The following NR1H4 variants were observed in gnomAD, a reference collection of about 807,000 sequenced individuals.
NR1H4 encodes bile acid receptor.
A neutral mutation model predicts 58.5 loss-of-function variants in NR1H4; 23 were observed. That is an observed-to-expected ratio of 0.39 (90% CI 0.28 to 0.56). The LOEUF is 0.56. NR1H4 is among the 20% of genes least tolerant of loss of function. The pLI is 0.58. For missense variants in NR1H4, 487 were observed against 576.9 expected (o/e 0.84, Z 1.60); for synonymous variants, 214 against 198.0 (o/e 1.08, Z -0.68).
rs760186422 is a variant in NR1H4, at chr12:100,503,505, C to G, written c.80-7273C>G. 32 of 1,588,394 alleles carry G rather than the reference C, an allele frequency of 2.0e-5. No homozygotes were observed. The African/African-American group carries it at 4.1e-4, about 21-fold the overall frequency. On this transcript the variant is annotated intron_variant, in intron 3 of 10. Coordinates refer to ENST00000392986, the MANE Select transcript of NR1H4 (RefSeq NM_001206979.2). ...TATGAAGCCCGCGAAAGGTAGGACA[C>G]TGTTCACAGGTGCTTTCAGGTCGAG...
chr12:100,545,526 C>G (rs1224565006), intron 9 of NR1H4, among the ~76,000 whole-genome samples: 6 of 150,442 alleles, frequency 4.0e-5, no homozygotes, highest in African/African-American at 1.5e-4. Context: ...TCTGTAATCT[C>G]AGCTAGTTGA....
chr12:100,505,512 C>A, intron 3 of NR1H4: 1 of 686,920 alleles, frequency 1.5e-6, no homozygotes, highest in South Asian at 1.6e-5. Flanking sequence ...AGATGGCACT[C>A]CTTTAGAGAA....
At chr12:100,547,524 C>T (rs1186408875) in intron 9 of NR1H4, among the ~76,000 whole-genome samples, 2 of 152,070 alleles carry the variant, frequency 1.3e-5, no homozygotes, top group Non-Finnish European at 2.9e-5. Context: ...GAGTCTGGGT[C>T]AGAATTGAAA....
intron 1 of NR1H4, among the ~76,000 whole-genome samples, chr12:100,475,986 G>A (rs1454475215): frequency 6.6e-6 from 1 of 152,066 alleles, no homozygotes; most frequent in Non-Finnish European, 1.5e-5. Context: ...CGCCCGCCTC[G>A]GCTTCCCAGA....
At chr12:100,524,928 G>A (rs1954518510) in intron 4 of NR1H4, among the ~76,000 whole-genome samples, 1 of 152,180 alleles carries the variant, frequency 6.6e-6, no homozygotes, top group Admixed American at 6.5e-5. Context: ...AAGAGGGAGT[G>A]TTGAGGTGGA....
intron 3 of NR1H4, among the ~76,000 whole-genome samples, chr12:100,493,885 A>C (rs893132246): frequency 6.6e-6 from 1 of 152,212 alleles, no homozygotes; most frequent in African/African-American, 2.4e-5. Context: ...GATTGAGGAC[A>C]AATTGTACTA....
intron 9 of NR1H4, among the ~76,000 whole-genome samples, chr12:100,546,549 G>T (rs1955074560): frequency 6.6e-6 from 1 of 151,966 alleles, no homozygotes; most frequent in Non-Finnish European, 1.5e-5. Flanking sequence ...TAAAAAATTA[G>T]CCTGGCGTGG....
rs35404680 is a variant in NR1H4, at chr12:100,545,641, C to CAAAAAAAA, written c.1078+4844_1078+4851dup. Reference sequence around the variant, plus strand: ...TGGGTGACAGAGTGAGACCTTGTCTCAAAAAAAAAAAAAAAAAAAAAAAAA... The same window carrying CAAAAAAAA: ...TGGGTGACAGAGTGAGACCTTGTCTCAAAAAAAAAAAAAAAAAAAAAAAAAAAAAAAAA... On this transcript the variant is annotated intron_variant, in intron 9 of 10. Transcript: ENST00000392986. Among the ~76,000 whole-genome samples, 4 of 7,874 alleles carry CAAAAAAAA rather than the reference C, an allele frequency of 5.1e-4. 1 individual carries two copies. Among genetic ancestry groups the CAAAAAAAA allele is most frequent in the African/African-American group, 1.6e-3 (3 of 1,920 alleles). 5.2% of individuals were successfully genotyped at this position (7,874 alleles called of 152,430 possible). A position where few individuals can be genotyped will look rare whatever the true frequency, so the allele number is the denominator to read the frequency against.
chr12:100,503,607 C>T, intron 3 of NR1H4: 3 of 1,090,528 alleles, frequency 2.8e-6, no homozygotes, highest in Non-Finnish European at 3.7e-6. Flanking sequence ...AAGATAGTGG[C>T]TCAGTCAGAC....
rs368318195 is a variant in NR1H4 at position 100,511,076 on chromosome 12, G to C, written c.378G>C (p.Leu126=). ...ASAGRIKGDE[L]CVVCGDRASG... ...CAGGGAGGATCAAAGGGGATGAGCT[G>C]TGTGTTGTTTGTGGAGACAGAGCCT... Residue 126 remains leucine (L), a synonymous_variant, in exon 4 of 11, where the codon CTG becomes CTC. Transcript: ENST00000392986. 45 of 1,614,270 alleles carry C rather than the reference G, an allele frequency of 2.8e-5. No individual in the cohort carries two copies. Among genetic ancestry groups the C allele is most frequent in the Non-Finnish European group, 3.4e-5 (40 of 1,180,052 alleles).
At chr12:100,558,202 T>C (rs978432218) in intron 9 of NR1H4, among the ~76,000 whole-genome samples, 2 of 37,844 alleles carry the variant, frequency 5.3e-5, no homozygotes, top group Non-Finnish European at 1.0e-4. Flanking sequence ...CTACTAAAAA[T>C]ACAAAAAAAA....
intron 5 of NR1H4, among the ~76,000 whole-genome samples, chr12:100,533,469 G>T (rs530436183): frequency 6.6e-6 from 1 of 152,278 alleles, no homozygotes; most frequent in African/African-American, 2.4e-5. Flanking sequence ...ATGCAGGTTG[G>T]GGGAAAATAG....
chr12:100,519,690 A>C (rs1289546501), intron 4 of NR1H4, among the ~76,000 whole-genome samples: 2 of 152,190 alleles, frequency 1.3e-5, no homozygotes, highest in East Asian at 3.9e-4. Context: ...AAAGGGCATA[A>C]GAATCCTCGT....
chr12:100,513,654 G>T (rs1031412304), intron 4 of NR1H4, among the ~76,000 whole-genome samples: 1 of 152,098 alleles, frequency 6.6e-6, no homozygotes, highest in African/African-American at 2.4e-5. Flanking sequence ...AATTAGCTGG[G>T]CATAGTGGCA....
chr12:100,501,943 A>T (rs767392390), intron 3 of NR1H4, among the ~76,000 whole-genome samples: 3 of 152,178 alleles, frequency 2.0e-5, no homozygotes, highest in Non-Finnish European at 2.9e-5. Context: ...TTTCTAAAAA[A>T]CAACCAATAG....
chr12:100,547,659 T>A (rs200479566), intron 9 of NR1H4, among the ~76,000 whole-genome samples: 2 of 152,110 alleles, frequency 1.3e-5, no homozygotes, highest in East Asian at 3.8e-4. Flanking sequence ...AGCCTCTCTG[T>A]CACAAATCAG....
intron 1 of NR1H4, among the ~76,000 whole-genome samples, chr12:100,487,554 T>C (rs1474282055): frequency 6.6e-6 from 1 of 151,196 alleles, no homozygotes; most frequent in African/African-American, 2.4e-5. Flanking sequence ...TCAAATCAGA[T>C]CTTTTTCTTT....
chr12:100,549,096 C>T (rs1039116996), intron 9 of NR1H4, among the ~76,000 whole-genome samples: 20 of 151,994 alleles, frequency 1.3e-4, no homozygotes, highest in African/African-American at 4.3e-4. Context: ...CCCAGCACTT[C>T]GGGAGGCCAA....
intron 4 of NR1H4, among the ~76,000 whole-genome samples, chr12:100,517,322 A>G (rs868718105): frequency 6.6e-6 from 1 of 152,202 alleles, no homozygotes; most frequent in Non-Finnish European, 1.5e-5. Flanking sequence ...TTCATGTAAT[A>G]TCCTCCGGGC....
Sources: gnomAD v4.1 joint callset for allele counts (sites outside exome capture counted in the v4.1 genomes callset) on GRCh38, gnomAD v4.1.1 for gene constraint, MANE v1.5 for transcripts, NCBI Gene and HGNC (gene_info 2026-07-23, HGNC 2026-07-21) for gene names.